ARHGAP32: variants seen among roughly 807,000 people sequenced by gnomAD.
ARHGAP32 encodes the protein Rho GTPase activating protein 32.
A neutral mutation model predicts 186.5 loss-of-function variants in ARHGAP32; 51 were observed. The observed-to-expected ratio is 0.27, with a 90% CI of 0.22 to 0.35. The LOEUF (loss-of-function observed/expected upper bound fraction) is 0.35, where lower values mean the gene tolerates loss of function less well. Among genes scored for constraint, ARHGAP32 ranks in the 10% least tolerant of loss-of-function variants. The probability of loss-of-function intolerance (pLI) is 1.00; values close to 1 mark genes in which losing one functional copy is unlikely to be tolerated. For synonymous variants in ARHGAP32, 950 were observed against 964.3 expected (o/e 0.99, Z 0.27); for missense variants, 2,186 against 2,623.5 (o/e 0.83, Z 3.64).
intron 1 of ARHGAP32, among the ~76,000 whole-genome samples, chr11:129,180,783 C>T (rs1248296548): frequency 6.6e-6 from 1 of 152,040 alleles, no homozygotes; most frequent in Non-Finnish European, 1.5e-5. Flanking sequence ...TGTAAAACAT[C>T]TTCAGACTTA....
chr11:129,117,263 C>CT (rs1299518835), intron 5 of ARHGAP32, among the ~76,000 whole-genome samples: 14 of 151,888 alleles, frequency 9.2e-5, no homozygotes, highest in Non-Finnish European at 2.1e-4. Flanking sequence ...TTCTTAAACT[C>CT]TTTTTACCTA....
At chr11:129,031,272 CAGTTGACATTCACTA>C (rs1319100693) in intron 11 of ARHGAP32, among the ~76,000 whole-genome samples, 1 of 152,082 alleles carries the variant, frequency 6.6e-6, no homozygotes, top group African/African-American at 2.4e-5. Flanking sequence ...CAATAAATAA[CAGTTGACATTCACTA>C]AGTATCCAGG....
At chr11:129,015,740 G>A (rs1204430485) in intron 11 of ARHGAP32, among the ~76,000 whole-genome samples, 1 of 152,148 alleles carries the variant, frequency 6.6e-6, no homozygotes, top group East Asian at 1.9e-4. Context: ...GGCACTTGTG[G>A]TTCAGTATAT....
intron 22 of ARHGAP32, 164 bp downstream of exon 22, chr11:128,972,289 A>G (rs1358502083): frequency 1.5e-6 from 1 of 647,368 alleles, no homozygotes; most frequent in Admixed American, 3.3e-5. Context: ...GCATCAAGGT[A>G]ATGGCAGACT....
In ARHGAP32 at chr11:129,243,631, T is replaced by C. The variant is rs929036089; in HGVS notation, c.-5+35515A>G. 1.3e-4 allele frequency among the ~76,000 whole-genome samples: 20 copies of C among 152,218 alleles called. 1 individual carries two copies. The highest frequency in any genetic ancestry group is 9.8e-4 in the Admixed American group (15 of 15,278). ...ATGAATAAAATAAAAATTCCTCAGC[T>C]TGGCATTCAACCATTCCAATATGAG... On this transcript the variant is annotated intron_variant, in intron 1 of 6. Transcript: ENST00000525234.
intron 6 of ARHGAP32, among the ~76,000 whole-genome samples, chr11:129,084,615 C>T (rs1329163857): frequency 6.6e-6 from 1 of 152,068 alleles, no homozygotes; most frequent in African/African-American, 2.4e-5. Context: ...ATCACCCATT[C>T]ATAAAAAACT....
intron 12 of ARHGAP32, among the ~76,000 whole-genome samples, chr11:128,995,552 C>T (rs1201883762): frequency 6.6e-6 from 1 of 152,166 alleles, no homozygotes; most frequent in Non-Finnish European, 1.5e-5. Flanking sequence ...ATAGAACATT[C>T]CCCTGTATGG....
intron 11 of ARHGAP32, among the ~76,000 whole-genome samples, chr11:129,014,599 A>G (rs1399663016): frequency 3.9e-5 from 6 of 152,180 alleles, no homozygotes; most frequent in Admixed American, 1.3e-4. Context: ...GAAAGGTAAA[A>G]AATTCACAAC....
Position 129,064,921 on chromosome 11 carries a change from T to C in ARHGAP32, c.682A>G (p.Met228Val), listed in dbSNP as rs746790439. The change falls in exon 8 of 23, where the codon ATG becomes GTG. Residue 228 changes from methionine to valine, a missense_variant. Coordinates refer to ENST00000682385, the MANE Select transcript of ARHGAP32 (RefSeq NM_001378024.1). The part of the protein sequence containing the change: ...LKDSPESVTQ[M>V]LMAYLSRLSA... ...AGGCGTGACAGGTAAGCCATAAGCATCTGAGTGACCGACTGAAAAGAAAAA... is the reference window on the plus strand; with the variant it reads ...AGGCGTGACAGGTAAGCCATAAGCACCTGAGTGACCGACTGAAAAGAAAAA... 10 of 1,589,702 alleles carry C rather than the reference T, an allele frequency of 6.3e-6. No individual in the cohort carries two copies. The East Asian group carries it at 1.6e-4, about 26-fold the overall frequency.
intron 12 of ARHGAP32, among the ~76,000 whole-genome samples, chr11:128,997,699 T>C (rs1946238793): frequency 6.6e-6 from 1 of 152,140 alleles, no homozygotes; most frequent in Admixed American, 6.5e-5. Flanking sequence ...GAAAGGAATA[T>C]AGATTCCTAT....
At chr11:129,078,956 A>T (rs1941137520) in intron 6 of ARHGAP32, among the ~76,000 whole-genome samples, 1 of 152,196 alleles carries the variant, frequency 6.6e-6, no homozygotes, top group Non-Finnish European at 1.5e-5. Context: ...ACACTTAGAG[A>T]AATGCAAAAT....
intron 11 of ARHGAP32, among the ~76,000 whole-genome samples, chr11:129,008,222 A>AT (rs1937888216): frequency 6.6e-6 from 1 of 152,156 alleles, no homozygotes; most frequent in African/African-American, 2.4e-5. Context: ...CTTTGAGGGT[A>AT]TTTTTTTATG....
At chr11:129,003,364 T>C (rs1233800851) in intron 11 of ARHGAP32, among the ~76,000 whole-genome samples, 1 of 152,196 alleles carries the variant, frequency 6.6e-6, no homozygotes, top group East Asian at 1.9e-4. Flanking sequence ...TGATGTGTCA[T>C]TTGTTTTGGT....
upstream of ARHGAP32, among the ~76,000 whole-genome samples, chr11:129,192,968 G>T (rs1279732678): frequency 6.6e-6 from 1 of 152,122 alleles, no homozygotes; most frequent in East Asian, 1.9e-4. Context: ...GCTGGGAAAT[G>T]AGTGAAAGGT....
At chr11:129,082,176 T>G (rs1231942541) in intron 6 of ARHGAP32, among the ~76,000 whole-genome samples, 1 of 152,168 alleles carries the variant, frequency 6.6e-6, no homozygotes, top group South Asian at 2.1e-4. Context: ...ATGACCATAC[T>G]GCCAAAAGCA....
Position 129,262,179 on chromosome 11 carries a change from C to T in ARHGAP32, c.-5+16967G>A, listed in dbSNP as rs554838857. On this transcript the variant is annotated intron_variant, in intron 1 of 6. Coordinates refer to the ARHGAP32 transcript ENST00000525234. ...TGCAAACTTTTAATTTTTCCTCATG[C>T]GCCAAAAAAAAAGTCTGTATTATCT... 1.8e-4 allele frequency among the ~76,000 whole-genome samples: 27 copies of T among 151,832 alleles called. No homozygotes were observed. In the South Asian group the frequency reaches 4.8e-3, roughly 27 times the overall value.
At chr11:128,991,930 C>T (rs574498961) in intron 12 of ARHGAP32, among the ~76,000 whole-genome samples, 4 of 152,068 alleles carry the variant, frequency 2.6e-5, no homozygotes, top group Non-Finnish European at 5.9e-5. Context: ...CATTCACTCG[C>T]TCACTCACTC....
At chr11:129,103,168 T>A (rs1941949493) in intron 5 of ARHGAP32, among the ~76,000 whole-genome samples, 1 of 152,174 alleles carries the variant, frequency 6.6e-6, no homozygotes, top group African/African-American at 2.4e-5. Flanking sequence ...TGATTCTACA[T>A]ATGTGTGGTA....
At position 129,164,326 on chromosome 11, in the gene ARHGAP32, C is replaced by A; in HGVS notation, c.218G>T (p.Ser73Ile). ...RERPDWEETL[S>I]AMARGADVPE... ...TGTATAAAACTGATTTACCATTGCG[C>A]TAAGAGTTTCTTCCCAATCAGGCCG... The change falls in exon 2 of 23, where the codon AGC becomes ATC. Residue 73 changes from serine to isoleucine, a missense_variant. Transcript: ENST00000682385. 1 of 1,547,196 alleles carries A rather than the reference C, an allele frequency of 6.5e-7. No individual in the cohort carries two copies. Among genetic ancestry groups the A allele is most frequent in the Non-Finnish European group, 8.8e-7 (1 of 1,137,288 alleles).
Sources: allele counts gnomAD v4.1 joint callset (sites outside exome capture counted in the v4.1 genomes callset), GRCh38; gene constraint gnomAD v4.1.1; transcripts MANE v1.5; gene names NCBI Gene and HGNC (gene_info 2026-07-23, HGNC 2026-07-21).